Variants in ATE1 observed in about 807,000 individuals in gnomAD.
ATE1 encodes the protein arginyl-tRNA--protein transferase 1.
ATE1 carries 36 observed loss-of-function variants against 70.5 expected under a neutral mutation model. That is an observed-to-expected ratio of 0.51 (90% confidence interval 0.39 to 0.67). The LOEUF (loss-of-function observed/expected upper bound fraction) is 0.67, where lower values mean the gene tolerates loss of function less well. Among genes scored for constraint, ATE1 ranks in the 30% least tolerant of loss-of-function variants. The probability of loss-of-function intolerance (pLI) is 0.00; values close to 1 mark genes in which losing one functional copy is unlikely to be tolerated. For missense variants in ATE1, 593 were observed against 629.5 expected (o/e 0.94, Z 0.62); for synonymous variants, 232 against 219.3 (o/e 1.06, Z -0.51).
intron 11 of ATE1, among the ~76,000 whole-genome samples, chr10:121,755,536 C>T (rs930342069): frequency 2.6e-5 from 4 of 152,046 alleles, no homozygotes; most frequent in African/African-American, 7.2e-5. Context: ...TGTATTAGTC[C>T]GTTTTTACAC....
chr10:121,913,969 G>A (rs2082673997), intron 3 of ATE1, 76 bp from the exon 4 acceptor site: 1 of 1,099,362 alleles, frequency 9.1e-7, no homozygotes, highest in Non-Finnish European at 1.3e-6. Context: ...ATATCACCTA[G>A]TACAATGAGA....
At chr10:121,816,972 G>GT (rs1219281451) in intron 10 of ATE1, among the ~76,000 whole-genome samples, 2 of 152,128 alleles carry the variant, frequency 1.3e-5, no homozygotes, top group Non-Finnish European at 2.9e-5. Context: ...CAATGCAAGG[G>GT]TATTTCTACT....
intron 10 of ATE1, among the ~76,000 whole-genome samples, chr10:121,832,056 G>A (rs764304032): frequency 1.3e-5 from 2 of 152,166 alleles, no homozygotes; most frequent in African/African-American, 2.4e-5. Flanking sequence ...ATGATCTTCC[G>A]CCACACACCC....
intron 10 of ATE1, among the ~76,000 whole-genome samples, chr10:121,835,991 T>C (rs1423918787): frequency 6.6e-6 from 1 of 152,182 alleles, no homozygotes; most frequent in Non-Finnish European, 1.5e-5. Context: ...GACTCCCAGG[T>C]GCCTAATTTA....
Position 121,899,926 on chromosome 10 carries a change from G to A in ATE1, c.882C>T (p.Val294=), listed in dbSNP as rs1950915351. The change falls in exon 7 of 12, where the codon GTC becomes GTT. Residue 294 remains valine (V), a synonymous_variant. Coordinates refer to ENST00000224652, the MANE Select transcript of ATE1 (RefSeq NM_001001976.3). ...GAATAACCATCTGGTAACGTTTATA[G>A]ACCTGGTAAGACTCCAGAAGTGTGG... is the stretch of plus-strand genomic sequence containing the variant. ...FKATLLESYQ[V]YKRYQMVIHK... is the part of the protein sequence containing the mutation. 1.2e-6 allele frequency: 2 copies of A among 1,613,976 alleles called. No homozygotes were observed. The highest frequency in any genetic ancestry group is 1.7e-6 in the Non-Finnish European group (2 of 1,179,916).
intron 10 of ATE1, among the ~76,000 whole-genome samples, chr10:121,829,296 G>C (rs1040823946): frequency 6.6e-6 from 1 of 152,026 alleles, no homozygotes; most frequent in Non-Finnish European, 1.5e-5. Context: ...GGTGGCGTGC[G>C]CCTGTAGTCC....
intron 11 of ATE1, among the ~76,000 whole-genome samples, chr10:121,786,600 C>A (rs1368862559): frequency 6.6e-6 from 1 of 150,768 alleles, no homozygotes; most frequent in African/African-American, 2.4e-5. Context: ...GCCCTGGAGG[C>A]AGAGGCTGCA....
rs920305049 is a variant in ATE1 at position 121,742,548 on chromosome 10, C to T, written c.*1132G>A. ...CGACTATAGCTAAGAAGGGACATGT[C>T]TGACTGTCCTCCTGTACCCAGCACA... On this transcript the variant is annotated 3_prime_UTR_variant, in exon 12 of 12. Coordinates refer to ENST00000224652, the MANE Select transcript of ATE1 (RefSeq NM_001001976.3). The T allele has an allele frequency of 2.0e-5, 3 of 152,198 alleles. No homozygotes were observed. The highest frequency in any genetic ancestry group is 7.2e-5 in the African/African-American group (3 of 41,442). The allele number at this position is 152,198 out of a possible 1,614,324, so 9.4% of individuals were successfully genotyped here. A position where few individuals can be genotyped will look rare whatever the true frequency, so the allele number is the denominator to read the frequency against.
chr10:121,811,286 G>GA (rs1947309750), intron 10 of ATE1, among the ~76,000 whole-genome samples: 1 of 151,730 alleles, frequency 6.6e-6, no homozygotes, highest in African/African-American at 2.4e-5. Flanking sequence ...GGAGAGAGAG[G>GA]GGGAGAAAAG....
intron 11 of ATE1, among the ~76,000 whole-genome samples, chr10:121,779,946 G>A (rs1945911198): frequency 6.6e-6 from 1 of 152,048 alleles, no homozygotes; most frequent in African/African-American, 2.4e-5. Flanking sequence ...CACACTCTGG[G>A]CTTCCTCTTC....
intron 10 of ATE1, among the ~76,000 whole-genome samples, chr10:121,790,997 T>C: frequency 2.0e-5 from 3 of 151,452 alleles, no homozygotes; most frequent in Admixed American, 2.0e-4. Flanking sequence ...TACATACATA[T>C]ATGTGTATAT....
intron 10 of ATE1, among the ~76,000 whole-genome samples, chr10:121,806,489 T>C (rs752774142): frequency 4.6e-5 from 7 of 152,050 alleles, no homozygotes; most frequent in African/African-American, 9.7e-5. Context: ...ATGAAATACA[T>C]AATCCTTGAT....
chr10:121,775,741 G>T (rs934723856), intron 11 of ATE1, among the ~76,000 whole-genome samples: 5 of 152,280 alleles, frequency 3.3e-5, no homozygotes, highest in African/African-American at 1.2e-4. Flanking sequence ...GTAGTAACTG[G>T]TCACTCAAAT....
intron 8 of ATE1, among the ~76,000 whole-genome samples, chr10:121,844,557 AAG>A (rs1240912950): frequency 1.3e-5 from 2 of 152,206 alleles, no homozygotes; most frequent in Admixed American, 6.5e-5. Context: ...CAACATAAAA[AAG>A]AGCAATCACA....
chr10:121,789,843 T>C (rs1946363460), intron 11 of ATE1, among the ~76,000 whole-genome samples: 1 of 152,202 alleles, frequency 6.6e-6, no homozygotes, highest in African/African-American at 2.4e-5. Flanking sequence ...ATAATCCATC[T>C]AGCAGACAAT....
intron 10 of ATE1, among the ~76,000 whole-genome samples, chr10:121,809,644 TG>T (rs1947239278): frequency 6.6e-6 from 1 of 151,972 alleles, no homozygotes; most frequent in South Asian, 2.1e-4. Context: ...TTAATGCAAA[TG>T]TCAACAGGGA....
intron 5 of ATE1, among the ~76,000 whole-genome samples, chr10:121,907,389 C>G (rs904278279): frequency 6.6e-6 from 1 of 151,870 alleles, no homozygotes; most frequent in Non-Finnish European, 1.5e-5. Flanking sequence ...CACTTAAACC[C>G]GGGAAGCAGA....
chr10:121,829,708 CA>C (rs1189416701), intron 10 of ATE1, among the ~76,000 whole-genome samples: 3 of 112,408 alleles, frequency 2.7e-5, no homozygotes, highest in East Asian at 2.6e-4. Context: ...GACTCTGTCT[CA>C]AAAAAAAAGA....
intron 8 of ATE1, among the ~76,000 whole-genome samples, chr10:121,861,027 T>C (rs1949449015): frequency 6.6e-6 from 1 of 152,186 alleles, no homozygotes; most frequent in South Asian, 2.1e-4. Context: ...GATGTCCCCA[T>C]GGAAACTAAT....
Sources: gnomAD v4.1 joint callset for allele counts (sites outside exome capture counted in the v4.1 genomes callset) on GRCh38, gnomAD v4.1.1 for gene constraint, MANE v1.5 for transcripts, NCBI Gene and HGNC (gene_info 2026-07-23, HGNC 2026-07-21) for gene names.